Variants in NUP205 observed in about 807,000 individuals in gnomAD.
NUP205 encodes the protein nucleoporin 205.
NUP205 carries 76 observed loss-of-function variants against 253.8 expected under a neutral mutation model. The ratio of observed to expected loss-of-function variants is 0.30; its 90% CI spans 0.25 to 0.36. The LOEUF (loss-of-function observed/expected upper bound fraction) is 0.36, where lower values mean the gene tolerates loss of function less well. NUP205 is among the 10% of genes least tolerant of loss of function. The probability of loss-of-function intolerance (pLI) is 1.00; values close to 1 mark genes in which losing one functional copy is unlikely to be tolerated. For missense variants in NUP205, 2,162 were observed against 2,425.5 expected, an observed-to-expected ratio of 0.89 and a Z score of 2.28; for synonymous variants, 832 against 850.1, an observed-to-expected ratio of 0.98 and a Z score of 0.37.
At position 135,630,392 on chromosome 7, in the gene NUP205, C is replaced by T. The variant is rs778992095; in HGVS notation, c.4981C>T (p.Arg1661Cys). Residue 1661 changes from arginine to cysteine, a missense_variant, in exon 35 of 43, where the codon CGC (arginine) becomes TGC (cysteine). Coordinates refer to ENST00000285968, the MANE Select transcript of NUP205 (RefSeq NM_015135.3). ...TTCTGATACCATACAAGCAATTCTG[C>T]GCTGTCAGGATGTTAGTGCTGGGTC... Reference protein sequence around the residue: ...SHSDTIQAILRCQDVSAGSLQ... With the variant: ...SHSDTIQAILCCQDVSAGSLQ... 2.3e-5 allele frequency: 37 copies of T among 1,608,472 alleles called. No homozygotes were observed. Among genetic ancestry groups the T allele is most frequent in the South Asian group, 9.9e-5 (9 of 90,514 alleles).
At chr7:135,565,799 T>C (rs1469859135) in intron 1 of NUP205, among the ~76,000 whole-genome samples, 1 of 152,186 alleles carries the variant, frequency 6.6e-6, no homozygotes, top group African/African-American at 2.4e-5. Flanking sequence ...ACAATGCCAG[T>C]TTCATTTTGT....
At chr7:135,645,759 C>T in intron 41 of NUP205, 163 bp downstream of exon 41, 1 of 660,312 alleles carries the variant, frequency 1.5e-6, no homozygotes, top group Non-Finnish European at 2.5e-6. Context: ...ATTTTACTTT[C>T]TGTTCACGGG....
chr7:135,636,712 G>A (rs1446363160), intron 36 of NUP205, among the ~76,000 whole-genome samples: 1 of 152,086 alleles, frequency 6.6e-6, no homozygotes, highest in Non-Finnish European at 1.5e-5. Context: ...TTGCCTTATC[G>A]AAACTTACAG....
intron 1 of NUP205, among the ~76,000 whole-genome samples, chr7:135,566,961 G>A (rs547247003): frequency 1.8e-4 from 27 of 150,910 alleles, no homozygotes; most frequent in African/African-American, 6.3e-4. Flanking sequence ...GGCTGGTCTC[G>A]AACTCCTGAC....
chr7:135,588,720 A>T (rs1448935593), intron 10 of NUP205, among the ~76,000 whole-genome samples: 3 of 151,202 alleles, frequency 2.0e-5, no homozygotes, highest in Non-Finnish European at 3.0e-5. Flanking sequence ...TTAGTATTTT[A>T]GTTCTCCATA....
intron 15 of NUP205, chr7:135,598,848 T>C (rs1793906226): frequency 1.3e-5 from 2 of 152,508 alleles, no homozygotes; most frequent in African/African-American, 4.8e-5. Context: ...GACCAGGATT[T>C]GAACCTAGGA....
intron 3 of NUP205, among the ~76,000 whole-genome samples, chr7:135,575,747 G>T (rs946300748): frequency 6.6e-6 from 1 of 152,088 alleles, no homozygotes; most frequent in Non-Finnish European, 1.5e-5. Context: ...GTGAGATCAC[G>T]CCACTGCACT....
intron 3 of NUP205, among the ~76,000 whole-genome samples, chr7:135,575,196 G>C (rs568686508): frequency 2.0e-5 from 3 of 152,290 alleles, no homozygotes; most frequent in South Asian, 4.1e-4. Flanking sequence ...TTTTGTGCAA[G>C]ATTTAGAGAT....
At chr7:135,564,059 C>A (rs114645479) in intron 1 of NUP205, among the ~76,000 whole-genome samples, 2 of 151,664 alleles carry the variant, frequency 1.3e-5, no homozygotes, top group Non-Finnish European at 2.9e-5. Flanking sequence ...CTCTTTGTTG[C>A]GGCTACCTTT....
At chr7:135,627,531 G>C (rs1794617714) in intron 33 of NUP205, among the ~76,000 whole-genome samples, 1 of 152,172 alleles carries the variant, frequency 6.6e-6, no homozygotes, top group African/African-American at 2.4e-5. Flanking sequence ...AACACTGCTG[G>C]TACCAAGCAT....
intron 22 of NUP205, among the ~76,000 whole-genome samples, chr7:135,612,321 T>A (rs1055666983): frequency 2.0e-5 from 3 of 152,214 alleles, no homozygotes; most frequent in Non-Finnish European, 2.9e-5. Flanking sequence ...TTCATAATCA[T>A]GTTTTATGTG....
intron 32 of NUP205, among the ~76,000 whole-genome samples, chr7:135,625,725 T>G (rs1794575677): frequency 6.6e-6 from 1 of 152,218 alleles, no homozygotes; most frequent in Non-Finnish European, 1.5e-5. Context: ...AACACAGCAT[T>G]TTCAATATAG....
chr7:135,570,048 TATATAGAGAGAGAGAGAGAGAG>T (rs1343366463), intron 1 of NUP205, among the ~76,000 whole-genome samples: 20 of 99,786 alleles, frequency 2.0e-4, no homozygotes, highest in South Asian at 3.4e-4. Flanking sequence ...TATATATATA[TATATAGAGAGAGAGAGAGAGAG>T]AGAGAGAGAG....
chr7:135,619,507 G>T lies in NUP205; in HGVS notation c.4048G>T (p.Val1350Phe). 6.2e-7 allele frequency: 1 copy of T among 1,614,082 alleles called. No homozygotes were observed. Among genetic ancestry groups the T allele is most frequent in the Non-Finnish European group, 8.5e-7 (1 of 1,180,028 alleles). Residue 1350 changes from valine to phenylalanine, a missense_variant, in exon 29 of 43, where the codon GTC becomes TTC. By Grantham distance (50) the Val-to-Phe change is conservative. Transcript: ENST00000285968. ...FTLTAHLSQA[V>F]LTEQKETSVL... ...ACTGACTGCTCACCTAAGCCAGGCCGTCCTCACTGAACAGAAGGAAACATC... is the reference window on the plus strand; with the variant it reads ...ACTGACTGCTCACCTAAGCCAGGCCTTCCTCACTGAACAGAAGGAAACATC...
intron 42 of NUP205, among the ~76,000 whole-genome samples, chr7:135,647,209 G>A (rs1190549774): frequency 2.0e-5 from 3 of 152,198 alleles, no homozygotes; most frequent in African/African-American, 7.2e-5. Context: ...ATGAATTACA[G>A]CTAGATCCTC....
At chr7:135,645,738 C>T in intron 41 of NUP205, 142 bp downstream of exon 41, 2 of 739,558 alleles carry the variant, frequency 2.7e-6, no homozygotes, top group Non-Finnish European at 4.4e-6. Context: ...CTAGACGTAG[C>T]TATTTCTTGC....
chr7:135,639,707 A>AT (rs1304836397), intron 38 of NUP205, among the ~76,000 whole-genome samples: 1 of 150,636 alleles, frequency 6.6e-6, no homozygotes, highest in African/African-American at 2.4e-5. Context: ...AAAAAAAAAA[A>AT]TTAGTTTAAC....
intron 32 of NUP205, 71 bp from the exon 33 acceptor site, chr7:135,626,169 G>A: frequency 1.9e-6 from 3 of 1,579,750 alleles, no homozygotes; most frequent in Non-Finnish European, 2.6e-6. Flanking sequence ...TGCCATCAAA[G>A]TGTTGCACTT....
chr7:135,617,432 A>G lies in NUP205; in HGVS notation c.3691-170A>G, dbSNP rs73158989. 9.7e-3 allele frequency among the ~76,000 whole-genome samples: 1,474 copies of G among 152,312 alleles called. 10 individuals carry two copies. The highest frequency in any genetic ancestry group is 0.022 in the South Asian group (106 of 4,832). ...ACTTAATATATCACCTAACTTCTTG[A>G]AAAGGGATACTTAATATTTTGGTCT... On this transcript the variant is annotated intron_variant, in intron 26 of 42. Transcript: ENST00000285968.
Sources: allele counts gnomAD v4.1 joint callset (sites outside exome capture counted in the v4.1 genomes callset), GRCh38; gene constraint gnomAD v4.1.1; transcripts MANE v1.5; gene names NCBI Gene and HGNC (gene_info 2026-07-23, HGNC 2026-07-21).